GRB10: variants seen among roughly 807,000 people sequenced by gnomAD.
GRB10 encodes the protein growth factor receptor bound protein 10, also known as growth factor receptor-bound protein 10.
GRB10 carries 20 observed loss-of-function variants against 80.9 expected under a neutral mutation model. The ratio of observed to expected loss-of-function variants is 0.25; its 90% confidence interval spans 0.17 to 0.36. The LOEUF is 0.36. Among genes scored for constraint, GRB10 ranks in the 10% least tolerant of loss-of-function variants. The pLI is 1.00. For synonymous variants in GRB10, 291 were observed against 291.5 expected (o/e 1.00, Z 0.02); for missense variants, 548 against 747.7 (o/e 0.73, Z 3.12).
chr7:50,606,449 G>C, intron 13 of GRB10, 35 bp from the exon 14 acceptor site: 1 of 1,547,792 alleles, frequency 6.5e-7, no homozygotes. Context: ...TCACCGGCCC[G>C]GGAGCCCCGA....
chr7:50,649,145 T>A (rs2057663493), intron 7 of GRB10, among the ~76,000 whole-genome samples: 1 of 152,032 alleles, frequency 6.6e-6, no homozygotes, highest in Non-Finnish European at 1.5e-5. Context: ...CTCGGAGGTG[T>A]GGACAGAGCA....
rs111267062 is a variant in GRB10, at chr7:50,769,232, G to A, written c.-217+11395C>T. Among the ~76,000 whole-genome samples the A allele has an allele frequency of 3.9e-5, 6 of 152,236 alleles. 1 individual carries two copies. The highest frequency in any genetic ancestry group is 1.4e-4 in the African/African-American group (6 of 41,552). On this transcript the variant is annotated intron_variant, in intron 2 of 18. Transcript: ENST00000401949. ...AGCCATTGAAAGAGTCACAACAATCGAATTTCAAACTGTCTCCTGTTAACA... is the reference window on the plus strand; with the variant it reads ...AGCCATTGAAAGAGTCACAACAATCAAATTTCAAACTGTCTCCTGTTAACA...
chr7:50,669,409 G>GCC (rs1345191375), intron 7 of GRB10, among the ~76,000 whole-genome samples: 1 of 152,114 alleles, frequency 6.6e-6, no homozygotes, highest in Non-Finnish European at 1.5e-5. Context: ...TAAACAACCA[G>GCC]ATCTCGTGAG....
rs958799584 is a variant in GRB10 at position 50,590,840 on chromosome 7, A to C, written c.*2112T>G. Reference sequence around the variant, plus strand: ...AGACTACGTCAAACCAGCTACATACAAAACTGTGAATCAGAGTCAAGCTTT... The same window carrying C: ...AGACTACGTCAAACCAGCTACATACCAAACTGTGAATCAGAGTCAAGCTTT... On this transcript the variant is annotated 3_prime_UTR_variant, in exon 19 of 19. Coordinates refer to ENST00000401949, the MANE Select transcript of GRB10 (RefSeq NM_001350814.2). The C allele has an allele frequency of 4.6e-5, 7 of 152,264 alleles. No individual in the cohort carries two copies. The highest frequency in any genetic ancestry group is 1.7e-4 in the African/African-American group (7 of 41,460). The allele number at this position is 152,264 out of a possible 1,614,324, so 9.4% of individuals were successfully genotyped here.
intron 7 of GRB10, chr7:50,645,594 C>T: frequency 1.0e-6 from 1 of 985,250 alleles, no homozygotes; most frequent in Non-Finnish European, 1.2e-6. Flanking sequence ...CTGTGCACAT[C>T]TTACCCCCAT....
At chr7:50,706,342 T>C (rs140849316) in intron 4 of GRB10, among the ~76,000 whole-genome samples, 2,366 of 152,336 alleles carry the variant, frequency 0.016, 26 homozygotes, top group Non-Finnish European at 0.023. Flanking sequence ...ACAGCATAAA[T>C]AATGATCAAA....
At chr7:50,647,648 TAAG>T (rs763560611) in intron 7 of GRB10, among the ~76,000 whole-genome samples, 12 of 152,184 alleles carry the variant, frequency 7.9e-5, no homozygotes, top group Non-Finnish European at 1.6e-4. Flanking sequence ...GGCTGCTGGC[TAAG>T]AAGGTCCTCA....
intron 7 of GRB10, among the ~76,000 whole-genome samples, chr7:50,648,301 G>A (rs553056019): frequency 4.6e-5 from 7 of 152,176 alleles, no homozygotes; most frequent in South Asian, 2.1e-4. Context: ...CCCGGCAAGC[G>A]GAAGACAGAG....
intron 4 of GRB10, among the ~76,000 whole-genome samples, chr7:50,704,150 T>C (rs985644124): frequency 6.6e-6 from 1 of 152,108 alleles, no homozygotes; most frequent in Non-Finnish European, 1.5e-5. Flanking sequence ...TGGGCTTAAA[T>C]AGCTTTCCCT....
intron 8 of GRB10, among the ~76,000 whole-genome samples, 182 bp downstream of exon 8, chr7:50,626,640 A>AG (rs1456538328): frequency 6.6e-6 from 1 of 152,232 alleles, no homozygotes; most frequent in Non-Finnish European, 1.5e-5. Flanking sequence ...ACTAGGGGAA[A>AG]GGGGCTGGAG....
chr7:50,614,833 G>A lies in GRB10; in HGVS notation c.1032C>T (p.Ile344=). Residue 344 remains isoleucine, a synonymous_variant, in exon 12 of 19, where the codon ATC becomes ATT. Coordinates refer to ENST00000401949, the MANE Select transcript of GRB10 (RefSeq NM_001350814.2). ...GCTTCCTGCCAGCGATCAGGGAGAAGATGTTGCTGTCCTCCAGGTCGGCCA... is the reference window on the plus strand; with the variant it reads ...GCTTCCTGCCAGCGATCAGGGAGAAAATGTTGCTGTCCTCCAGGTCGGCCA... ...QLLADLEDSN[I]FSLIAGRKQY... is the part of the protein sequence containing the mutation. 1 of 1,614,062 alleles carries A rather than the reference G, an allele frequency of 6.2e-7. No homozygotes were observed. Among genetic ancestry groups the A allele is most frequent in the East Asian group, 2.2e-5 (1 of 44,874 alleles).
intron 5 of GRB10, among the ~76,000 whole-genome samples, chr7:50,688,427 G>A (rs2062368661): frequency 6.6e-6 from 1 of 152,114 alleles, no homozygotes; most frequent in Non-Finnish European, 1.5e-5. Context: ...AAACATCCAG[G>A]GAGAAGGTAG....
At chr7:50,790,333 A>T (rs1269657208) in intron 1 of GRB10, among the ~76,000 whole-genome samples, 2 of 152,222 alleles carry the variant, frequency 1.3e-5, no homozygotes, top group African/African-American at 4.8e-5. Flanking sequence ...TTTCTTCCAT[A>T]ATCTCCCACA....
chr7:50,700,276 AAG>A (rs1259963314), intron 5 of GRB10, among the ~76,000 whole-genome samples: 1 of 152,188 alleles, frequency 6.6e-6, no homozygotes, highest in Admixed American at 6.5e-5. Flanking sequence ...ATATTTCTTC[AAG>A]AGTCTATTTT....
chr7:50,779,503 A>G (rs1433582736), intron 2 of GRB10: 1 of 152,110 alleles, frequency 6.6e-6, no homozygotes, highest in East Asian at 1.9e-4. Context: ...CCATCCCTCT[A>G]CTCACCCTCC....
intron 2 of GRB10, among the ~76,000 whole-genome samples, chr7:50,766,541 G>A (rs2076356770): frequency 6.6e-6 from 1 of 152,228 alleles, no homozygotes; most frequent in Admixed American, 6.5e-5. Context: ...AAAGAGGAAA[G>A]ACATTCTTGC....
At chr7:50,748,575 A>G (rs990135809) in intron 3 of GRB10, among the ~76,000 whole-genome samples, 2 of 152,204 alleles carry the variant, frequency 1.3e-5, no homozygotes. Flanking sequence ...GAACATTTAT[A>G]ATGGGCCAGG....
chr7:50,659,409 G>A (rs934671611), intron 7 of GRB10, among the ~76,000 whole-genome samples: 3 of 152,156 alleles, frequency 2.0e-5, no homozygotes, highest in African/African-American at 7.2e-5. Context: ...GGAGAGCTGA[G>A]GGAGCCTAGC....
intron 2 of GRB10, among the ~76,000 whole-genome samples, chr7:50,763,990 G>A (rs180914125): frequency 6.6e-6 from 1 of 152,380 alleles, no homozygotes; most frequent in East Asian, 1.9e-4. Flanking sequence ...CTCCTCTCCA[G>A]GCTGCCCAGA....
Sources: allele counts gnomAD v4.1 joint callset (sites outside exome capture counted in the v4.1 genomes callset), GRCh38; gene constraint gnomAD v4.1.1; transcripts MANE v1.5; gene names NCBI Gene and HGNC (gene_info 2026-07-23, HGNC 2026-07-21).